AKT1: variants seen among roughly 807,000 people sequenced by gnomAD.
AKT1 encodes the protein RAC-alpha serine/threonine-protein kinase.
AKT1 carries 21 observed loss-of-function variants against 63.1 expected under a neutral mutation model. That is an observed-to-expected ratio of 0.33 (90% CI 0.24 to 0.48). AKT1 has a LOEUF of 0.48. Among genes scored for constraint, AKT1 ranks in the 20% least tolerant of loss-of-function variants. The probability of loss-of-function intolerance (pLI) is 0.99; values close to 1 mark genes in which losing one functional copy is unlikely to be tolerated. For synonymous variants in AKT1, 257 were observed against 253.1 expected (o/e 1.02, Z -0.15); for missense variants, 382 against 666.0 (o/e 0.57, Z 4.69).
In AKT1 at chr14:104,780,226, T is replaced by C. The variant is rs1349160615; in HGVS notation, c.47-10A>G. The C allele has an allele frequency of 6.2e-7, 1 of 1,612,690 alleles. No homozygotes were observed. Among genetic ancestry groups the C allele is most frequent in the Admixed American group, 1.7e-5 (1 of 59,968 alleles). On this transcript the variant is annotated splice_polypyrimidine_tract_variant and intron_variant, in intron 3 of 14. Coordinates refer to ENST00000649815, the MANE Select transcript of AKT1 (RefSeq NM_001382430.1). Reference sequence around the variant, plus strand: ...GTCTTGATGTACTCCCCTACAGACGTGCGGGTGGTGAGAGCCACGCACACT... The same window carrying C: ...GTCTTGATGTACTCCCCTACAGACGCGCGGGTGGTGAGAGCCACGCACACT...
At chr14:104,775,517 A>C (rs1892650137) in intron 6 of AKT1, 135 bp downstream of exon 6, 1 of 1,314,382 alleles carries the variant, frequency 7.6e-7, no homozygotes, top group Non-Finnish European at 1.0e-6. Flanking sequence ...TGCGCCCTAC[A>C]TGGAAAACCG....
rs748789094 is a variant in AKT1 at position 104,775,128 on chromosome 14, G to A, written c.515C>T (p.Thr172Ile). Residue 172 changes from threonine to isoleucine, a missense_variant, in exon 7 of 15, where the codon ACA becomes ATA. Around this residue, in one of 3 missense-constraint regions of AKT1, gnomAD observed 226 missense variants for 366.4 expected, o/e 0.62. Coordinates refer to ENST00000649815, the MANE Select transcript of AKT1 (RefSeq NM_001382430.1). The stretch of plus-strand genomic sequence containing the variant: ...GATCTTCATGGCGTAGTAGCGGCCT[G>A]TGGCCTTCTCCTTCACCAGGATCAC... The part of the protein sequence containing the change: ...GKVILVKEKA[T>I]GRYYAMKILK... 1 of 1,614,138 alleles carries A rather than the reference G, an allele frequency of 6.2e-7. No individual in the cohort carries two copies. Among genetic ancestry groups the A allele is most frequent in the Admixed American group, 1.7e-5 (1 of 60,036 alleles).
At position 104,777,583 on chromosome 14, in the gene AKT1, C is replaced by T. The variant is rs1381188461; in HGVS notation, c.176-813G>A. The T allele has an allele frequency of 7.9e-6, 8 of 1,007,348 alleles. No individual in the cohort carries two copies. In the African/African-American group the frequency reaches 1.2e-4, roughly 15 times the overall value. 62.4% of individuals were successfully genotyped at this position (1,007,348 alleles called of 1,614,324 possible). A position where few individuals can be genotyped will look rare whatever the true frequency, so the allele number is the denominator to read the frequency against. On this transcript the variant is annotated intron_variant, in intron 4 of 14. Coordinates refer to ENST00000649815, the MANE Select transcript of AKT1 (RefSeq NM_001382430.1). ...GGAACACATACCTGGGGCACAGCCA[C>T]ACCTACAGCACGTACACCCTGAGGG...
intron 3 of AKT1, among the ~76,000 whole-genome samples, chr14:104,782,501 G>A (rs570293245): frequency 2.0e-5 from 3 of 152,332 alleles, no homozygotes; most frequent in East Asian, 3.9e-4. Flanking sequence ...CATCTGGGGG[G>A]TTCTGGGAGC....
chr14:104,790,570 C>T (rs1462523947), intron 3 of AKT1, among the ~76,000 whole-genome samples: 2 of 152,202 alleles, frequency 1.3e-5, no homozygotes, highest in South Asian at 2.1e-4. Context: ...GGCTTTCCTC[C>T]GCAAGGAGCG....
rs369527283 is a variant in AKT1, at chr14:104,772,916, G to C, written c.1134C>G (p.Ser378=). ...CCTTCTTGAGCAGCCCTGAAAGCAAGGACTTGGCCTCGGGACCAAGCGTGC... is the reference window on the plus strand; with the variant it reads ...CCTTCTTGAGCAGCCCTGAAAGCAACGACTTGGCCTCGGGACCAAGCGTGC... ...FPRTLGPEAK[S]LLSGLLKKDP... is the part of the protein sequence containing the mutation. Residue 378 remains serine, a synonymous_variant, in exon 12 of 15, where the codon TCC becomes TCG. Transcript: ENST00000649815. 2 of 1,613,322 alleles carry C rather than the reference G, an allele frequency of 1.2e-6. No homozygotes were observed. Among genetic ancestry groups the C allele is most frequent in the Admixed American group, 3.3e-5 (2 of 59,992 alleles).
At chr14:104,775,881 C>G (rs1892674118) in intron 5 of AKT1, 82 bp from the exon 6 acceptor site, 1 of 1,524,818 alleles carries the variant, frequency 6.6e-7, no homozygotes. Context: ...GCCAGCCTCA[C>G]AAGCGTGGTT....
chr14:104,784,088 C>T lies in AKT1; in HGVS notation c.47-3872G>A, dbSNP rs900614142. Among the ~76,000 whole-genome samples, 17 of 152,126 alleles carry T rather than the reference C, an allele frequency of 1.1e-4. 1 individual carries two copies. Among genetic ancestry groups the T allele is most frequent in the Admixed American group, 5.9e-4 (9 of 15,286 alleles). On this transcript the variant is annotated intron_variant, in intron 3 of 14. Coordinates refer to ENST00000649815, the MANE Select transcript of AKT1 (RefSeq NM_001382430.1). ...GCCCCATGGCCGGTTCCCTCGGCAG[C>T]GGGGAAGCAGCAGTTCCAGTCTCAC...
intron 6 of AKT1, 88 bp from the exon 7 acceptor site, chr14:104,775,295 G>A: frequency 6.3e-7 from 1 of 1,585,558 alleles, no homozygotes; most frequent in Admixed American, 1.7e-5. Flanking sequence ...GGGCCCCAGA[G>A]TCGGAGGCAG....
At position 104,773,996 on chromosome 14, in the gene AKT1, G is replaced by A. The variant is rs1360365621; in HGVS notation, c.634-16C>T. The A allele has an allele frequency of 2.5e-6, 4 of 1,608,770 alleles. No individual in the cohort carries two copies. The highest frequency in any genetic ancestry group is 3.4e-6 in the Non-Finnish European group (4 of 1,176,958). On this transcript the variant is annotated splice_polypyrimidine_tract_variant and intron_variant, in intron 8 of 14. Transcript: ENST00000649815. Reference sequence around the variant, plus strand: ...ACTTCAGGGCCTGCAAGGAAGGGGAGCTGGAACTGCGGCCCCACAGGCAGG... The same window carrying A: ...ACTTCAGGGCCTGCAAGGAAGGGGAACTGGAACTGCGGCCCCACAGGCAGG...
intron 4 of AKT1, among the ~76,000 whole-genome samples, chr14:104,779,012 T>C (rs1892881187): frequency 6.6e-6 from 1 of 152,174 alleles, no homozygotes; most frequent in African/African-American, 2.4e-5. Context: ...GCCCAACCCG[T>C]GTCTCTGGCT....
rs908575682 is a variant in AKT1 at position 104,775,750 on chromosome 14, G to C, written c.337C>G (p.Gln113Glu). ...IQTVADGLKK[Q>E]EEEEMDFRSG... ...CGGAAGTCCATCTCCTCCTCCTCCT[G>C]CTTCTTGAGGCCGTCAGCCACAGTC... The change falls in exon 6 of 15, where the codon CAG becomes GAG. Residue 113 changes from glutamine (Q) to glutamate (E), a missense_variant. By Grantham distance (29) the Gln-to-Glu change is conservative. Around this residue, in one of 3 missense-constraint regions of AKT1, gnomAD observed 226 missense variants for 366.4 expected, o/e 0.62. Transcript: ENST00000649815. The C allele has an allele frequency of 1.2e-6, 2 of 1,614,022 alleles. No homozygotes were observed. Among genetic ancestry groups the C allele is most frequent in the Non-Finnish European group, 1.7e-6 (2 of 1,179,962 alleles).
At chr14:104,789,060 C>T (rs930789543) in intron 3 of AKT1, among the ~76,000 whole-genome samples, 6 of 152,244 alleles carry the variant, frequency 3.9e-5, no homozygotes, top group Admixed American at 1.3e-4. Flanking sequence ...CCCGCCCACT[C>T]GGCCTTGGCC....
At chr14:104,786,979 G>T (rs1487251858) in intron 3 of AKT1, among the ~76,000 whole-genome samples, 1 of 151,946 alleles carries the variant, frequency 6.6e-6, no homozygotes, top group Non-Finnish European at 1.5e-5. Flanking sequence ...CCCTGAGCTG[G>T]ACAACCAGCT....
intron 4 of AKT1, chr14:104,777,739 A>G: frequency 2.0e-6 from 2 of 985,490 alleles, no homozygotes; most frequent in South Asian, 4.7e-5. Context: ...GGCCTCTGAC[A>G]TTCCAGCATC....
intron 4 of AKT1, chr14:104,777,388 GCACACCTGAGGCA>G (rs972907588): frequency 1.9e-5 from 4 of 209,050 alleles, no homozygotes; most frequent in Admixed American, 9.4e-5. Context: ...TGGGGCACAC[GCACACCTGAGGCA>G]CACACCTGGG....
intron 3 of AKT1, among the ~76,000 whole-genome samples, chr14:104,782,471 G>C (rs948397173): frequency 5.3e-5 from 8 of 152,192 alleles, no homozygotes; most frequent in Non-Finnish European, 1.5e-5. Context: ...CACAAGCCCA[G>C]CCCCAGGTTC....
chr14:104,769,391 C>CATATT lies in AKT1; in HGVS notation c.*945_*949dup, dbSNP rs1237203739. The stretch of plus-strand genomic sequence containing the variant: ...ATTGAAGAATTTGGAGGGAAGGTTC[C>CATATT]ATATTATATTATAATAGTAAAAATA... On this transcript the variant is annotated 3_prime_UTR_variant, in exon 15 of 15. Coordinates refer to ENST00000649815, the MANE Select transcript of AKT1 (RefSeq NM_001382430.1). 3.8e-6 allele frequency: 1 copy of CATATT among 262,670 alleles called. No individual in the cohort carries two copies. The highest frequency in any genetic ancestry group is 7.5e-6 in the Non-Finnish European group (1 of 134,054). The allele number at this position is 262,670 out of a possible 1,614,324, so 16.3% of individuals were successfully genotyped here.
chr14:104,784,083 G>C (rs1039131397), intron 3 of AKT1, among the ~76,000 whole-genome samples: 1 of 151,956 alleles, frequency 6.6e-6, no homozygotes, highest in Non-Finnish European at 1.5e-5. Flanking sequence ...CGGTTCCCTC[G>C]GCAGCGGGGA....
Sources: gnomAD v4.1 joint callset for allele counts (sites outside exome capture counted in the v4.1 genomes callset) on GRCh38, gnomAD v4.1.1 for gene constraint, gnomAD v4.1.1 regional missense constraint, MANE v1.5 for transcripts, NCBI Gene and HGNC (gene_info 2026-07-23, HGNC 2026-07-21) for gene names.